ZFP14: variants seen among roughly 807,000 people sequenced by gnomAD.
ZFP14 encodes ZFP14 zinc finger protein.
A neutral mutation model predicts 54.5 loss-of-function variants in ZFP14; 22 were observed. The observed-to-expected ratio is 0.40, with a 90% confidence interval of 0.29 to 0.58. The LOEUF (loss-of-function observed/expected upper bound fraction) is 0.58. ZFP14 is among the 20% of genes least tolerant of loss of function. ZFP14 has a pLI of 0.39. For synonymous variants in ZFP14, 159 were observed against 204.0 expected (o/e 0.78, Z 1.88); for missense variants, 470 against 637.8 (o/e 0.74, Z 2.83).
chr19:36,342,848 A>G (rs2031347552), intron 4 of ZFP14, among the ~76,000 whole-genome samples: 1 of 152,152 alleles, frequency 6.6e-6, no homozygotes, highest in East Asian at 1.9e-4. Context: ...TGTCTTTCCT[A>G]CTGAACATTA....
At chr19:36,364,666 G>C (rs867152207) in intron 2 of ZFP14, among the ~76,000 whole-genome samples, 18 of 152,050 alleles carry the variant, frequency 1.2e-4, no homozygotes, top group South Asian at 6.2e-4. Context: ...CCACCTAAAA[G>C]CCTTACATAG....
At chr19:36,365,443 T>C (rs1030594057) in intron 2 of ZFP14, among the ~76,000 whole-genome samples, 1 of 152,186 alleles carries the variant, frequency 6.6e-6, no homozygotes, top group Admixed American at 6.6e-5. Context: ...TGAAGCACAG[T>C]ATGGAAAAGT....
intron 4 of ZFP14, among the ~76,000 whole-genome samples, chr19:36,352,076 C>G (rs1466658334): frequency 7.1e-6 from 1 of 139,892 alleles, no homozygotes; most frequent in African/African-American, 2.6e-5. Context: ...CCCAGCTACT[C>G]GGGAGGCTGA....
At chr19:36,359,763 T>C (rs1462412420) in intron 4 of ZFP14, among the ~76,000 whole-genome samples, 4 of 152,130 alleles carry the variant, frequency 2.6e-5, no homozygotes, top group Admixed American at 6.6e-5. Flanking sequence ...CAAGTGACTC[T>C]TGTGTCTCAG....
At chr19:36,369,966 T>C (rs1345312916) in intron 1 of ZFP14, among the ~76,000 whole-genome samples, 2 of 152,092 alleles carry the variant, frequency 1.3e-5, no homozygotes, top group Non-Finnish European at 2.9e-5. Context: ...TCCCAAGCAG[T>C]TGGGACTATA....
intron 4 of ZFP14, among the ~76,000 whole-genome samples, chr19:36,343,871 TCATTAATC>T (rs1180197274): frequency 6.6e-6 from 1 of 152,144 alleles, no homozygotes; most frequent in African/African-American, 2.4e-5. Context: ...CCATAATAAC[TCATTAATC>T]CATTAAGCCA....
chr19:36,367,816 G>T, intron 2 of ZFP14, 68 bp downstream of exon 2: 1 of 1,547,580 alleles, frequency 6.5e-7, no homozygotes, highest in East Asian at 2.3e-5. Context: ...TCAGAATAAA[G>T]AATGAATCTA....
intron 1 of ZFP14, among the ~76,000 whole-genome samples, chr19:36,374,485 G>C (rs1344829490): frequency 7.9e-6 from 1 of 126,520 alleles, no homozygotes; most frequent in Admixed American, 8.8e-5. Context: ...GGGAGACTCT[G>C]TCTCAAAAAA....
At position 36,351,906 on chromosome 19, in the gene ZFP14, G is replaced by T. The variant is rs748429233; in HGVS notation, c.235+8529C>A. Among the ~76,000 whole-genome samples, 6 of 143,042 alleles carry T rather than the reference G, an allele frequency of 4.2e-5. 1 individual carries two copies. Among genetic ancestry groups the T allele is most frequent in the Non-Finnish European group, 7.8e-5 (5 of 64,436 alleles). 93.8% of individuals were successfully genotyped at this position (143,042 alleles called of 152,430 possible). Reference sequence around the variant, plus strand: ...TTAAAGATTCTATTAAGATCCGGCCGGGTGTGGTGGCTCACGCCTGTAATC... The same window carrying T: ...TTAAAGATTCTATTAAGATCCGGCCTGGTGTGGTGGCTCACGCCTGTAATC... On this transcript the variant is annotated intron_variant, in intron 4 of 4. Coordinates refer to ENST00000270001, the MANE Select transcript of ZFP14 (RefSeq NM_020917.3).
chr19:36,369,094 G>A (rs1048774235), intron 1 of ZFP14, among the ~76,000 whole-genome samples: 12 of 151,916 alleles, frequency 7.9e-5, no homozygotes, highest in Non-Finnish European at 1.6e-4. Context: ...CGCCCGCCTC[G>A]GCCTCCCAAA....
intron 3 of ZFP14, 68 bp downstream of exon 3, chr19:36,362,044 T>G (rs1308531348): frequency 8.0e-6 from 12 of 1,501,150 alleles, no homozygotes; most frequent in Non-Finnish European, 1.1e-5. Flanking sequence ...TTTTAGAGAG[T>G]TTTTCTAAAT....
intron 4 of ZFP14, among the ~76,000 whole-genome samples, chr19:36,349,714 C>T (rs73602378): frequency 0.011 from 1,581 of 145,936 alleles, 26 homozygotes; most frequent in African/African-American, 0.037. Context: ...ATAATATATA[C>T]TATGTATATT....
intron 4 of ZFP14, among the ~76,000 whole-genome samples, chr19:36,345,532 T>C (rs960766481): frequency 1.3e-5 from 2 of 152,122 alleles, no homozygotes; most frequent in African/African-American, 4.8e-5. Flanking sequence ...ATGGCGTACT[T>C]TCATGAAGAA....
At chr19:36,352,813 C>T (rs1418776839) in intron 4 of ZFP14, among the ~76,000 whole-genome samples, 2 of 141,776 alleles carry the variant, frequency 1.4e-5, no homozygotes, top group Admixed American at 7.2e-5. Context: ...TGGTGGCAGG[C>T]GCCTGTAGTC....
At position 36,337,031 on chromosome 19, in the gene ZFP14, CTTTTA is replaced by C. The variant is rs2031214483; in HGVS notation, c.*3188_*3192del. 8.4e-6 allele frequency: 1 copy of C among 119,666 alleles called. No homozygotes were observed. The highest frequency in any genetic ancestry group is 3.0e-5 in the African/African-American group (1 of 33,422). The allele number at this position is 119,666 out of a possible 1,614,324, so 7.4% of individuals were successfully genotyped here. A position where few individuals can be genotyped will look rare whatever the true frequency, so the allele number is the denominator to read the frequency against. ...TAGTATGTATCTCATATCATACGAT[CTTTTA>C]TTTTTTATAATCACACTGACATAAT... On this transcript the variant is annotated 3_prime_UTR_variant, in exon 5 of 5. Transcript: ENST00000270001.
chr19:36,360,112 A>C lies in ZFP14; in HGVS notation c.235+323T>G, dbSNP rs754571934. On this transcript the variant is annotated intron_variant, in intron 4 of 4. Coordinates refer to ENST00000270001, the MANE Select transcript of ZFP14 (RefSeq NM_020917.3). ...AAGAAATCAATTTTTGGCTTTATTA[A>C]TTTTCTTTATTTCTTTTCTATTTTG... 1.0e-4 allele frequency: 18 copies of C among 175,122 alleles called. 1 individual carries two copies. The highest frequency in any genetic ancestry group is 1.9e-4 in the Admixed American group (3 of 15,922). 10.8% of individuals were successfully genotyped at this position (175,122 alleles called of 1,614,324 possible). A position where few individuals can be genotyped will look rare whatever the true frequency, so the allele number is the denominator to read the frequency against.
chr19:36,346,332 AAAAC>A (rs974139176), intron 4 of ZFP14, among the ~76,000 whole-genome samples: 16 of 152,206 alleles, frequency 1.1e-4, no homozygotes, highest in African/African-American at 3.6e-4. Context: ...ACAAAACAAA[AAAAC>A]AAAAAACAAA....
chr19:36,340,011 G>A lies in ZFP14; in HGVS notation c.*213C>T, dbSNP rs2031280139. The A allele has an allele frequency of 6.7e-6, 3 of 450,628 alleles. No homozygotes were observed. The Admixed American group carries it at 1.2e-4, about 18-fold the overall frequency. The allele number at this position is 450,628 out of a possible 1,614,324, so 27.9% of individuals were successfully genotyped here. A position where few individuals can be genotyped will look rare whatever the true frequency, so the allele number is the denominator to read the frequency against. The stretch of plus-strand genomic sequence containing the variant: ...AGAAAGGGAGATAATGACAGATAAG[G>A]CTAAAGATTTTCCTACATTCATTAC... On this transcript the variant is annotated 3_prime_UTR_variant, in exon 5 of 5. Transcript: ENST00000270001. The surrounding 1 kb of genome is among the most constrained non-coding windows in gnomAD (Gnocchi z 5.4).
chr19:36,365,095 A>G (rs1252776161), intron 2 of ZFP14, among the ~76,000 whole-genome samples: 1 of 141,020 alleles, frequency 7.1e-6, no homozygotes, highest in Non-Finnish European at 1.5e-5. Flanking sequence ...AGCTCACTGC[A>G]ACATTGAATT....
Sources: gnomAD v4.1 joint callset for allele counts (sites outside exome capture counted in the v4.1 genomes callset) on GRCh38, gnomAD v4.1.1 for gene constraint, Gnocchi (gnomAD v3.1) non-coding constraint, MANE v1.5 for transcripts, NCBI Gene and HGNC (gene_info 2026-07-23, HGNC 2026-07-21) for gene names.